The following GALNT7 variants were observed in gnomAD, a reference collection of about 807,000 sequenced individuals.
The protein encoded by GALNT7 is N-acetylgalactosaminyltransferase 7.
In GALNT7, 60 loss-of-function variants were observed where a neutral mutation model predicts 82.1. That is an observed-to-expected ratio of 0.73 (90% CI 0.59 to 0.91). The LOEUF is 0.91. Among genes scored for constraint, GALNT7 ranks in the 40% least tolerant of loss-of-function variants. GALNT7 has a pLI of 0.00. For synonymous variants in GALNT7, 243 were observed against 275.1 expected (o/e 0.88, Z 1.15); for missense variants, 660 against 804.2 (o/e 0.82, Z 2.17).
At chr4:173,311,204 T>C (rs1737368481) in intron 8 of GALNT7, among the ~76,000 whole-genome samples, 1 of 152,240 alleles carries the variant, frequency 6.6e-6, no homozygotes, top group Admixed American at 6.5e-5. Context: ...AGTGCCACTC[T>C]GGCCCTGTCC....
chr4:173,178,574 G>A (rs1732148059), intron 1 of GALNT7, among the ~76,000 whole-genome samples: 1 of 152,040 alleles, frequency 6.6e-6, no homozygotes, highest in Non-Finnish European at 1.5e-5. Context: ...TTCCCTTCTG[G>A]GCTTCCCAGC....
At chr4:173,318,837 G>A (rs575378823) in intron 11 of GALNT7, among the ~76,000 whole-genome samples, 168 of 152,170 alleles carry the variant, frequency 1.1e-3, no homozygotes, top group African/African-American at 3.8e-3. Flanking sequence ...GAAAGTCAGT[G>A]TTCTGTGAGG....
At chr4:173,290,686 T>C (rs1298234002) in intron 2 of GALNT7, among the ~76,000 whole-genome samples, 1 of 152,226 alleles carries the variant, frequency 6.6e-6, no homozygotes, top group Non-Finnish European at 1.5e-5. Flanking sequence ...AAACTATGCA[T>C]TACTTTGTAA....
intron 2 of GALNT7, among the ~76,000 whole-genome samples, chr4:173,259,145 TG>T (rs1189984435): frequency 1.3e-5 from 2 of 152,170 alleles, no homozygotes; most frequent in East Asian, 3.9e-4. Flanking sequence ...AAATCACTGC[TG>T]TAAGGGGTTA....
chr4:173,210,864 A>G (rs1733259727), intron 1 of GALNT7, among the ~76,000 whole-genome samples: 1 of 152,202 alleles, frequency 6.6e-6, no homozygotes, highest in Non-Finnish European at 1.5e-5. Flanking sequence ...CAGTGCTATC[A>G]AGTGGAAAAA....
chr4:173,227,023 A>C (rs916407925), intron 1 of GALNT7, among the ~76,000 whole-genome samples: 2 of 152,184 alleles, frequency 1.3e-5, no homozygotes, highest in Non-Finnish European at 1.5e-5. Context: ...AAATGCCTTA[A>C]AATTATGCAT....
chr4:173,259,074 GA>G (rs1735154489), intron 2 of GALNT7, among the ~76,000 whole-genome samples: 1 of 152,164 alleles, frequency 6.6e-6, no homozygotes, highest in African/African-American at 2.4e-5. Context: ...CCCTAGTTGT[GA>G]CAACCAGTTC....
At chr4:173,249,732 A>T (rs538555839) in intron 2 of GALNT7, among the ~76,000 whole-genome samples, 25 of 152,322 alleles carry the variant, frequency 1.6e-4, no homozygotes, top group Middle Eastern at 3.4e-3. Flanking sequence ...AAATTTTTTT[A>T]AATTGGATTT....
At chr4:173,284,962 G>GT (rs1736268761) in intron 2 of GALNT7, among the ~76,000 whole-genome samples, 1 of 152,016 alleles carries the variant, frequency 6.6e-6, no homozygotes, top group Non-Finnish European at 1.5e-5. Context: ...GGTCAGCATC[G>GT]TAAGAAAACC....
At chr4:173,219,527 C>CA (rs1161275865) in intron 1 of GALNT7, among the ~76,000 whole-genome samples, 1 of 152,184 alleles carries the variant, frequency 6.6e-6, no homozygotes, top group Non-Finnish European at 1.5e-5. Context: ...ATTGCTGGAT[C>CA]AAATGGTAGT....
At chr4:173,254,403 A>G (rs2126750932) in intron 2 of GALNT7, among the ~76,000 whole-genome samples, 1 of 152,296 alleles carries the variant, frequency 6.6e-6, no homozygotes, top group East Asian at 1.9e-4. Flanking sequence ...AGCTATTTAG[A>G]ATGTATTGCT....
At chr4:173,192,490 A>G (rs1314841041) in intron 1 of GALNT7, among the ~76,000 whole-genome samples, 1 of 152,176 alleles carries the variant, frequency 6.6e-6, no homozygotes, top group Non-Finnish European at 1.5e-5. Context: ...GATCCTCCCT[A>G]CTTCTGAAAG....
intron 1 of GALNT7, among the ~76,000 whole-genome samples, chr4:173,245,847 T>G (rs1354894547): frequency 3.3e-5 from 5 of 152,160 alleles, no homozygotes; most frequent in Non-Finnish European, 7.4e-5. Flanking sequence ...TCTTCCTGAA[T>G]ATGATTTCCA....
chr4:173,224,342 C>T (rs1733733457), intron 1 of GALNT7, among the ~76,000 whole-genome samples: 1 of 152,114 alleles, frequency 6.6e-6, no homozygotes, highest in African/African-American at 2.4e-5. Flanking sequence ...ACTAAATTTG[C>T]TCACCTTCCA....
At chr4:173,238,016 G>A (rs1314788556) in intron 1 of GALNT7, among the ~76,000 whole-genome samples, 2 of 152,022 alleles carry the variant, frequency 1.3e-5, no homozygotes, top group Non-Finnish European at 2.9e-5. Flanking sequence ...AAATGCTGTG[G>A]TTATTCTTTT....
intron 1 of GALNT7, among the ~76,000 whole-genome samples, chr4:173,185,965 G>C (rs1732448809): frequency 6.6e-6 from 1 of 152,146 alleles, no homozygotes; most frequent in African/African-American, 2.4e-5. Context: ...CATTCAACTT[G>C]ATTATGGTAT....
At chr4:173,313,489 TA>T (rs1254204761) in intron 8 of GALNT7, among the ~76,000 whole-genome samples, 1 of 148,886 alleles carries the variant, frequency 6.7e-6, no homozygotes, top group Non-Finnish European at 1.5e-5. Context: ...GAGGATCACT[TA>T]AACCCAGGAA....
intron 1 of GALNT7, among the ~76,000 whole-genome samples, chr4:173,241,226 G>A (rs376506533): frequency 1.3e-4 from 12 of 89,692 alleles, no homozygotes; most frequent in East Asian, 1.2e-3. Flanking sequence ...AAAAAAAAAA[G>A]AAAGAAAGAA....
intron 1 of GALNT7, among the ~76,000 whole-genome samples, chr4:173,178,963 G>A (rs1336491952): frequency 6.6e-6 from 1 of 152,132 alleles, no homozygotes; most frequent in Non-Finnish European, 1.5e-5. Context: ...AATTCCCTGG[G>A]TTTAGGAATA....
Sources: allele counts gnomAD v4.1 joint callset (sites outside exome capture counted in the v4.1 genomes callset), GRCh38; gene constraint gnomAD v4.1.1; transcripts MANE v1.5; gene names NCBI Gene and HGNC (gene_info 2026-07-23, HGNC 2026-07-21).